USP42: variants seen among roughly 807,000 people sequenced by gnomAD.
USP42 encodes ubiquitin carboxyl-terminal hydrolase 42.
A neutral mutation model predicts 113.0 loss-of-function variants in USP42; 23 were observed. That is an observed-to-expected ratio of 0.20 (90% confidence interval 0.15 to 0.29). The LOEUF is 0.29. Ranked by LOEUF, USP42 falls within the 10% of genes least tolerant of loss-of-function variation. The pLI, the probability that USP42 is intolerant of heterozygous loss-of-function variation, is 1.00. For missense variants in USP42, 2,174 were observed against 1,779.8 expected, an observed-to-expected ratio of 1.22 and a Z score of -3.99; for synonymous variants, 933 against 699.0, an observed-to-expected ratio of 1.33 and a Z score of -5.28.
rs147520600 is a variant in USP42, at chr7:6,159,073, G to A, written c.3944-377G>A. Among the ~76,000 whole-genome samples the A allele has an allele frequency of 5.0e-3, 763 of 152,236 alleles. 8 individuals carry two copies. Among genetic ancestry groups the A allele is most frequent in the African/African-American group, 0.017 (697 of 41,536 alleles). ...TCTGAGAAGGCCGCTGCCCGGCCCC[G>A]CCTCACCCAGCGTCCTGTGGTCCTG... On this transcript the variant is annotated intron_variant, in intron 16 of 17. Transcript: ENST00000306177. This position sits in a 1 kb window ranked among gnomAD's most constrained non-coding sequence, Gnocchi z 4.1.
At chr7:6,098,029 T>G in the USP42 span, among the ~76,000 whole-genome samples, 2 of 147,368 alleles carry the variant, frequency 1.4e-5, no homozygotes, top group African/African-American at 2.6e-5. Flanking sequence ...CTCAGCCTCC[T>G]GAGTAGCTGG....
chr7:6,133,959 C>G (rs1385662570), intron 3 of USP42, among the ~76,000 whole-genome samples: 3 of 149,542 alleles, frequency 2.0e-5, no homozygotes, highest in Non-Finnish European at 4.4e-5. Context: ...GGTGCCATCT[C>G]AGCTCACTGC....
At chr7:6,140,550 T>A (rs537782559) in intron 6 of USP42, among the ~76,000 whole-genome samples, 5 of 152,362 alleles carry the variant, frequency 3.3e-5, no homozygotes, top group Admixed American at 6.5e-5. Flanking sequence ...GTTTTGTTGT[T>A]GTTCATGGAG....
chr7:6,085,358 C>G, the USP42 span: 1 of 150,360 alleles, frequency 6.7e-6, no homozygotes, highest in Non-Finnish European at 1.5e-5. Flanking sequence ...ATCTCCTGAC[C>G]TTCTGATCCA....
chr7:6,100,413 T>C (rs1260517101), upstream of USP42, among the ~76,000 whole-genome samples: 1 of 150,504 alleles, frequency 6.6e-6, no homozygotes, highest in East Asian at 1.9e-4. Flanking sequence ...CATTTCAACC[T>C]CCGCCTCCTG....
At chr7:6,108,796 A>G (rs543313704) in intron 1 of USP42, among the ~76,000 whole-genome samples, 1 of 152,132 alleles carries the variant, frequency 6.6e-6, no homozygotes, top group South Asian at 2.1e-4. Flanking sequence ...TAAAAAAAAA[A>G]TTTTTTAAGG....
intron 1 of USP42, among the ~76,000 whole-genome samples, chr7:6,110,436 A>T (rs1779537985): frequency 6.6e-6 from 1 of 152,222 alleles, no homozygotes; most frequent in Admixed American, 6.5e-5. Flanking sequence ...AATATTTTAA[A>T]ATAGGACTCA....
the USP42 span, among the ~76,000 whole-genome samples, chr7:6,098,623 C>G: frequency 6.6e-6 from 1 of 150,388 alleles, no homozygotes; most frequent in Non-Finnish European, 1.5e-5. Flanking sequence ...ATGATCTCAG[C>G]TCACTGCAAC....
chr7:6,154,684 TG>T lies in USP42; in HGVS notation c.3134del (p.Gly1045AlafsTer96). On this transcript the variant is annotated frameshift_variant, in exon 15 of 18. Transcript: ENST00000306177. LOFTEE classifies it high-confidence loss of function. Reference protein sequence around the residue: ...RHHYTEGERGWGREKFYPDRP... With the variant: ...RHHYTEGERGXGREKFYPDRP... ...CCACTACACCGAGGGCGAGCGTGGC[TG>T]GGGCCGGGAGAAGTTCTACCCCGAC... 6.2e-7 allele frequency: 1 copy of T among 1,604,582 alleles called. No individual in the cohort carries two copies. Among genetic ancestry groups the T allele is most frequent in the Admixed American group, 1.7e-5 (1 of 59,298 alleles).
At chr7:6,131,078 C>G (rs1780825532) in intron 3 of USP42, among the ~76,000 whole-genome samples, 1 of 152,138 alleles carries the variant, frequency 6.6e-6, no homozygotes, top group Admixed American at 6.5e-5. Flanking sequence ...GAAGGAAGGG[C>G]TCTGGATTGG....
At chr7:6,112,900 CTTTTTTTT>C (rs34002709) in intron 2 of USP42, among the ~76,000 whole-genome samples, 4 of 102,768 alleles carry the variant, frequency 3.9e-5, no homozygotes, top group African/African-American at 1.6e-4. Flanking sequence ...TAGTAAGTTT[CTTTTTTTT>C]TTTTTTTTTT....
chr7:6,097,933 T>G, the USP42 span, among the ~76,000 whole-genome samples: 1 of 105,078 alleles, frequency 9.5e-6, no homozygotes, highest in Non-Finnish European at 1.9e-5. Context: ...TGAGATGGAG[T>G]CTCACTCTGT....
chr7:6,107,567 G>A (rs1303060946), intron 1 of USP42, among the ~76,000 whole-genome samples: 4 of 151,798 alleles, frequency 2.6e-5, no homozygotes, highest in Admixed American at 2.6e-4. Flanking sequence ...GCGCCACCAC[G>A]CCTGGCTAAT....
the USP42 span, chr7:6,081,728 C>G: frequency 6.6e-6 from 1 of 152,272 alleles, no homozygotes; most frequent in Non-Finnish European, 1.5e-5. Context: ...CTGCTGAAAG[C>G]CGACTGCGCC....
chr7:6,129,184 A>C (rs1341786764), intron 3 of USP42, among the ~76,000 whole-genome samples: 2 of 152,100 alleles, frequency 1.3e-5, no homozygotes. Flanking sequence ...TGGTATTGTC[A>C]TTTTACTAGT....
rs1224335505 is a variant in USP42, at chr7:6,150,256, T to TGCACTCAGAAACAGG, written c.2071_2072insCAGGGCACTCAGAAA (p.Glu690_Asn691insThrGlyHisSerGlu). ...GCCAGCTGCCAAGGCCAGCCTGCCC[T>TGCACTCAGAAACAGG]GCACTCAGAAAATCCCTTTGCTAAG... On this transcript the variant is annotated inframe_insertion, in exon 13 of 18. Transcript: ENST00000306177. The TGCACTCAGAAACAGG allele has an allele frequency of 6.8e-6, 11 of 1,613,708 alleles. No individual in the cohort carries two copies. The highest frequency in any genetic ancestry group is 9.3e-6 in the Non-Finnish European group (11 of 1,179,860).
intron 3 of USP42, among the ~76,000 whole-genome samples, chr7:6,126,383 C>A (rs1366658788): frequency 1.3e-5 from 2 of 151,774 alleles, no homozygotes; most frequent in Non-Finnish European, 1.5e-5. Flanking sequence ...CTCCTGGCTT[C>A]ACGCCATTCT....
intron 3 of USP42, among the ~76,000 whole-genome samples, chr7:6,133,515 GTTTGTT>G (rs1430391122): frequency 6.6e-6 from 1 of 152,114 alleles, no homozygotes; most frequent in East Asian, 1.9e-4. Flanking sequence ...TGTTATTGTT[GTTTGTT>G]TTTATTTTTT....
rs1269119980 is a variant in USP42, at chr7:6,161,185, C to CGACA, written c.*669_*672dup. 1 of 152,564 alleles carries CGACA rather than the reference C, an allele frequency of 6.6e-6. No homozygotes were observed. Among genetic ancestry groups the CGACA allele is most frequent in the Admixed American group, 6.5e-5 (1 of 15,272 alleles). 9.5% of individuals were successfully genotyped at this position (152,564 alleles called of 1,614,324 possible). A position where few individuals can be genotyped will look rare whatever the true frequency, so the allele number is the denominator to read the frequency against. ...ATAACCCAGACATGATTTGTAAAGCCGACAGTATGTTTCTATTACACAACA... is the reference window on the plus strand; with the variant it reads ...ATAACCCAGACATGATTTGTAAAGCCGACAGACAGTATGTTTCTATTACACAACA... On this transcript the variant is annotated 3_prime_UTR_variant, in exon 18 of 18. Transcript: ENST00000306177.
Sources: gnomAD v4.1 joint callset for allele counts (sites outside exome capture counted in the v4.1 genomes callset) on GRCh38, gnomAD v4.1.1 for gene constraint, Gnocchi (gnomAD v3.1) non-coding constraint, MANE v1.5 for transcripts, NCBI Gene and HGNC (gene_info 2026-07-23, HGNC 2026-07-21) for gene names.